UBA6: variants seen among roughly 807,000 people sequenced by gnomAD.
The protein encoded by UBA6 is ubiquitin like modifier activating enzyme 6, also known as ubiquitin-like modifier-activating enzyme 6.
In UBA6, 87 loss-of-function variants were observed where a neutral mutation model predicts 148.3. That is an observed-to-expected ratio of 0.59 (90% CI 0.49 to 0.70). The LOEUF is 0.70. UBA6 is among the 30% of genes least tolerant of loss of function. The pLI is 0.00. For missense variants in UBA6, 1,186 were observed against 1,241.2 expected, an observed-to-expected ratio of 0.96 and a Z score of 0.67; for synonymous variants, 376 against 401.0, an observed-to-expected ratio of 0.94 and a Z score of 0.75.
In UBA6 at chr4:67,673,732, T is replaced by C; in HGVS notation, c.511A>G (p.Asn171Asp). The change falls in exon 7 of 33, where the codon AAT (asparagine) becomes GAT (aspartate). Residue 171 changes from asparagine (N) to aspartate (D), a missense_variant. Physicochemically the swap from Asn to Asp is conservative, Grantham distance 23. Transcript: ENST00000322244. ...GGGCACTGAGAACGGCAAAAGTCAT[T>C]GATCTTCTTCTGCAATGGAAGTTTC... ...EMKLPLQKKINDFCRSQCPPI... is the reference protein window; with the variant it reads ...EMKLPLQKKIDDFCRSQCPPI... 1 of 1,612,232 alleles carries C rather than the reference T, an allele frequency of 6.2e-7. No homozygotes were observed. Among genetic ancestry groups the C allele is most frequent in the Non-Finnish European group, 8.5e-7 (1 of 1,178,700 alleles).
At chr4:67,691,505 C>T (rs1185010300) in intron 2 of UBA6, among the ~76,000 whole-genome samples, 1 of 152,116 alleles carries the variant, frequency 6.6e-6, no homozygotes, top group Non-Finnish European at 1.5e-5. Flanking sequence ...TTCATCTTTG[C>T]CTGAGCAGTT....
chr4:67,621,129 C>A (rs538675553), intron 32 of UBA6, among the ~76,000 whole-genome samples: 1 of 152,320 alleles, frequency 6.6e-6, no homozygotes, highest in Admixed American at 6.5e-5. Flanking sequence ...GTACAGTCCA[C>A]TGCAGCATAA....
At chr4:67,664,912 G>T (rs570515032) in intron 10 of UBA6, among the ~76,000 whole-genome samples, 1 of 152,168 alleles carries the variant, frequency 6.6e-6, no homozygotes, top group Non-Finnish European at 1.5e-5. Context: ...AATTCACAAA[G>T]ATACAGTTCC....
At chr4:67,624,691 T>C (rs1728825413) in intron 29 of UBA6, among the ~76,000 whole-genome samples, 1 of 152,080 alleles carries the variant, frequency 6.6e-6, no homozygotes, top group African/African-American at 2.4e-5. Context: ...GTTCATTTTA[T>C]TCAAGAAAAA....
chr4:67,662,833 G>C, intron 12 of UBA6: 1 of 223,906 alleles, frequency 4.5e-6, no homozygotes, highest in Non-Finnish European at 8.7e-6. Context: ...AGGATATAAA[G>C]TTAAAAAAAA....
chr4:67,657,802 C>T (rs1278346475), intron 13 of UBA6, among the ~76,000 whole-genome samples: 1 of 118,362 alleles, frequency 8.4e-6, no homozygotes, highest in African/African-American at 3.0e-5. Flanking sequence ...TATCCAGAAT[C>T]TACAAAGAAC....
intron 2 of UBA6, 49 bp from the exon 3 acceptor site, chr4:67,682,262 T>C (rs777811337): frequency 2.1e-6 from 3 of 1,397,966 alleles, no homozygotes; most frequent in African/African-American, 1.4e-5. Flanking sequence ...ACTGAAATTA[T>C]AATATCTCTT....
chr4:67,635,251 A>G (rs2109905893), intron 20 of UBA6, among the ~76,000 whole-genome samples: 1 of 152,258 alleles, frequency 6.6e-6, no homozygotes, highest in African/African-American at 2.4e-5. Flanking sequence ...CAGAAGAATA[A>G]TGCTCCAGAA....
intron 32 of UBA6, among the ~76,000 whole-genome samples, chr4:67,621,761 C>T (rs1249072442): frequency 6.6e-6 from 1 of 152,076 alleles, no homozygotes; most frequent in African/African-American, 2.4e-5. Context: ...GCTGAGATCG[C>T]GCCACTGCAA....
intron 12 of UBA6, 39 bp from the exon 13 acceptor site, chr4:67,662,294 C>T (rs374438267): frequency 2.9e-5 from 45 of 1,572,742 alleles, no homozygotes; most frequent in Admixed American, 5.1e-5. Context: ...TTAATTTTCT[C>T]AACTGCCATA....
chr4:67,647,805 ACT>A (rs1729455923), intron 14 of UBA6, among the ~76,000 whole-genome samples: 1 of 140,622 alleles, frequency 7.1e-6, no homozygotes, highest in African/African-American at 2.7e-5. Flanking sequence ...ACAGAGTCTC[ACT>A]CTGTCGCCCA....
At chr4:67,667,116 C>T (rs1730018553) in intron 9 of UBA6, among the ~76,000 whole-genome samples, 1 of 151,960 alleles carries the variant, frequency 6.6e-6, no homozygotes, top group Admixed American at 6.6e-5. Context: ...TACAAGCAGC[C>T]TCATAATGTG....
intron 32 of UBA6, among the ~76,000 whole-genome samples, chr4:67,622,274 G>A (rs558813355): frequency 6.6e-6 from 1 of 152,278 alleles, no homozygotes; most frequent in East Asian, 1.9e-4. Context: ...GATAGGCAAA[G>A]GGAAAACCTA....
Position 67,625,559 on chromosome 4 carries a change from T to C in UBA6, c.2519-372A>G, listed in dbSNP as rs1036677502. On this transcript the variant is annotated intron_variant, in intron 28 of 32. Transcript: ENST00000322244. ...ACATTAGGTATAGTTCAAAAATTTA[T>C]TCCATAAATCCGACTCTGAAACATT... is the stretch of plus-strand genomic sequence containing the variant. 2.0e-5 allele frequency among the ~76,000 whole-genome samples: 3 copies of C among 152,150 alleles called. No individual in the cohort carries two copies. The East Asian group carries it at 5.8e-4, about 29-fold the overall frequency.
chr4:67,640,421 G>C (rs921586324), intron 18 of UBA6, among the ~76,000 whole-genome samples: 11 of 152,170 alleles, frequency 7.2e-5, no homozygotes, highest in Admixed American at 2.0e-4. Flanking sequence ...AGTTTACTAA[G>C]ACTTGCAATG....
intron 22 of UBA6, among the ~76,000 whole-genome samples, chr4:67,633,719 ATAT>A (rs1729055970): frequency 6.6e-6 from 1 of 152,152 alleles, no homozygotes; most frequent in Non-Finnish European, 1.5e-5. Flanking sequence ...AGTTATCCTC[ATAT>A]TTTCCTAGCT....
intron 1 of UBA6, among the ~76,000 whole-genome samples, chr4:67,699,805 G>C (rs1041904464): frequency 6.6e-6 from 1 of 152,134 alleles, no homozygotes; most frequent in Non-Finnish European, 1.5e-5. Context: ...GTTTCGCCAT[G>C]TTGCCCAGGC....
chr4:67,623,925 A>C (rs914399630), intron 30 of UBA6, among the ~76,000 whole-genome samples: 1 of 152,102 alleles, frequency 6.6e-6, no homozygotes, highest in Non-Finnish European at 1.5e-5. Flanking sequence ...TGTGGCAGAT[A>C]AAGTGCTGTA....
chr4:67,690,094 C>T (rs1437181668), intron 2 of UBA6, among the ~76,000 whole-genome samples: 7 of 151,938 alleles, frequency 4.6e-5, no homozygotes, highest in Admixed American at 4.6e-4. Context: ...ATTTTTGAGG[C>T]ACAAAAGAGC....
Sources: allele counts gnomAD v4.1 joint callset (sites outside exome capture counted in the v4.1 genomes callset), GRCh38; gene constraint gnomAD v4.1.1; transcripts MANE v1.5; gene names NCBI Gene and HGNC (gene_info 2026-07-23, HGNC 2026-07-21).